Variants in MOGAT1 observed in about 807,000 individuals in gnomAD.
MOGAT1 encodes the protein monoacylglycerol O-acyltransferase 1, also known as 2-acylglycerol O-acyltransferase 1.
A neutral mutation model predicts 31.4 loss-of-function variants in MOGAT1; 32 were observed. The observed-to-expected ratio is 1.02, with a 90% confidence interval of 0.77 to 1.37. The LOEUF is 1.37. Ranked by LOEUF, MOGAT1 falls within the 40% of genes most tolerant of loss-of-function variation. The pLI is 0.00. For synonymous variants in MOGAT1, 145 were observed against 144.5 expected (o/e 1.00, Z -0.03); for missense variants, 426 against 402.0 (o/e 1.06, Z -0.51).
At chr2:222,693,728 T>G (rs951721756) in intron 3 of MOGAT1, among the ~76,000 whole-genome samples, 1 of 152,114 alleles carries the variant, frequency 6.6e-6, no homozygotes, top group Non-Finnish European at 1.5e-5. Flanking sequence ...GAGAAAGACC[T>G]GCCCCCACGA....
chr2:222,695,132 T>G lies in MOGAT1; in HGVS notation c.697T>G (p.Phe233Val), dbSNP rs373193033. 1.3e-4 allele frequency: 205 copies of G among 1,612,038 alleles called. No individual in the cohort carries two copies. Among genetic ancestry groups the G allele is most frequent in the Non-Finnish European group, 1.7e-4 (201 of 1,179,240 alleles). ...GGTTTCTTTTGGTGAAAATGAACTGTTTAAACAAACTGACAACCCTGAAGG... is the reference window on the plus strand; with the variant it reads ...GGTTTCTTTTGGTGAAAATGAACTGGTTAAACAAACTGACAACCCTGAAGG... ...PVVSFGENEL[F>V]KQTDNPEGSW... Residue 233 changes from phenylalanine (F) to valine (V), a missense_variant, in exon 5 of 6, where the codon TTT becomes GTT. Transcript: ENST00000446656.
chr2:222,704,196 G>A (rs535184583), intron 5 of MOGAT1, among the ~76,000 whole-genome samples: 1 of 152,206 alleles, frequency 6.6e-6, no homozygotes, highest in African/African-American at 2.4e-5. Context: ...TTCCCCCTTT[G>A]TTTTGTAAAA....
chr2:222,682,715 G>A (rs1225271488), intron 1 of MOGAT1, among the ~76,000 whole-genome samples: 1 of 152,178 alleles, frequency 6.6e-6, no homozygotes, highest in African/African-American at 2.4e-5. Flanking sequence ...TCAGATTACA[G>A]TGTATATGTA....
intron 1 of MOGAT1, among the ~76,000 whole-genome samples, chr2:222,686,006 G>A (rs1251195507): frequency 6.6e-6 from 1 of 152,086 alleles, no homozygotes; most frequent in Non-Finnish European, 1.5e-5. Context: ...TAGTAGCTTG[G>A]GGACATTATT....
chr2:222,681,313 AT>A (rs986532059), intron 1 of MOGAT1, among the ~76,000 whole-genome samples: 2 of 152,310 alleles, frequency 1.3e-5, no homozygotes, highest in African/African-American at 2.4e-5. Flanking sequence ...ACGGCTACAA[AT>A]TGAGGATTCA....
At position 222,695,105 on chromosome 2, in the gene MOGAT1, G is replaced by A. The variant is rs1414070443; in HGVS notation, c.670G>A (p.Val224Met). Residue 224 changes from valine to methionine, a missense_variant, in exon 5 of 6, where the codon GTG becomes ATG. Val to Met is a conservative substitution (Grantham distance 21, BLOSUM62 1). Coordinates refer to ENST00000446656, the MANE Select transcript of MOGAT1 (RefSeq NM_058165.3). ...ALTHGASLVPVVSFGENELFK... is the reference protein window; with the variant it reads ...ALTHGASLVPMVSFGENELFK... ...TTATTGCAGCGCCTCTCTGGTCCCA[G>A]TGGTTTCTTTTGGTGAAAATGAACT... 6.2e-7 allele frequency: 1 copy of A among 1,603,756 alleles called. No homozygotes were observed. Among genetic ancestry groups the A allele is most frequent in the East Asian group, 2.3e-5 (1 of 44,300 alleles).
chr2:222,685,670 G>A (rs966207007), intron 1 of MOGAT1, among the ~76,000 whole-genome samples: 3 of 142,644 alleles, frequency 2.1e-5, no homozygotes, highest in South Asian at 2.2e-4. Flanking sequence ...GTGCGATCTC[G>A]GCTCACTACA....
chr2:222,695,744 T>G (rs1172305061), intron 5 of MOGAT1, among the ~76,000 whole-genome samples: 1 of 152,186 alleles, frequency 6.6e-6, no homozygotes, highest in Non-Finnish European at 1.5e-5. Context: ...ATATATATTC[T>G]GCTATTCTGC....
At chr2:222,694,970 G>A (rs539596210) in intron 4 of MOGAT1, 119 bp from the exon 5 acceptor site, 14 of 649,380 alleles carry the variant, frequency 2.2e-5, no homozygotes, top group Non-Finnish European at 3.0e-5. Context: ...TAGCAATATA[G>A]GAAGGCTTGG....
chr2:222,691,898 G>T (rs1692768554), intron 3 of MOGAT1, among the ~76,000 whole-genome samples: 1 of 152,148 alleles, frequency 6.6e-6, no homozygotes, highest in African/African-American at 2.4e-5. Flanking sequence ...CCCATTTTGG[G>T]TGTATCTATA....
At chr2:222,672,615 T>C (rs572902204) in intron 1 of MOGAT1, among the ~76,000 whole-genome samples, 2 of 152,172 alleles carry the variant, frequency 1.3e-5, no homozygotes, top group East Asian at 1.9e-4. Context: ...ATAGGGGTGA[T>C]GTGGGAGGAG....
chr2:222,674,983 T>A (rs1010951170), intron 1 of MOGAT1, among the ~76,000 whole-genome samples: 18 of 152,188 alleles, frequency 1.2e-4, no homozygotes, highest in African/African-American at 4.3e-4. Flanking sequence ...AATACACTTT[T>A]ACTAGCAATT....
chr2:222,706,511 T>C (rs114504245), intron 5 of MOGAT1, among the ~76,000 whole-genome samples: 2,622 of 135,468 alleles, frequency 0.019, 81 homozygotes, highest in African/African-American at 0.069. Flanking sequence ...TGAGCATGCT[T>C]AAGCTCTCTG....
intron 5 of MOGAT1, among the ~76,000 whole-genome samples, chr2:222,708,090 CTTGT>C (rs1455156116): frequency 1.3e-5 from 2 of 151,870 alleles, no homozygotes; most frequent in Non-Finnish European, 2.9e-5. Flanking sequence ...TGTTTGTTTG[CTTGT>C]TTGTTTTGAG....
chr2:222,677,031 T>A (rs1217301441), intron 1 of MOGAT1, among the ~76,000 whole-genome samples: 2 of 152,192 alleles, frequency 1.3e-5, no homozygotes, highest in African/African-American at 4.8e-5. Flanking sequence ...TAACAGTCAA[T>A]ATCTAGTAGG....
At chr2:222,700,009 AT>A (rs1167510276) in intron 5 of MOGAT1, among the ~76,000 whole-genome samples, 2 of 152,252 alleles carry the variant, frequency 1.3e-5, no homozygotes, top group African/African-American at 4.8e-5. Flanking sequence ...TTGCAATGGT[AT>A]TGTTCAAGAT....
At chr2:222,683,658 G>A (rs759324045) in intron 1 of MOGAT1, among the ~76,000 whole-genome samples, 2 of 150,894 alleles carry the variant, frequency 1.3e-5, no homozygotes, top group Non-Finnish European at 3.0e-5. Context: ...AACTCGGGAG[G>A]TGGAGGTTCA....
chr2:222,673,514 C>T (rs1366948111), intron 1 of MOGAT1, among the ~76,000 whole-genome samples: 3 of 152,146 alleles, frequency 2.0e-5, no homozygotes, highest in Non-Finnish European at 2.9e-5. Context: ...ATCTTCACAA[C>T]ATCCCTGTGA....
intron 1 of MOGAT1, among the ~76,000 whole-genome samples, chr2:222,686,773 G>A (rs1301624855): frequency 6.6e-6 from 1 of 152,100 alleles, no homozygotes; most frequent in African/African-American, 2.4e-5. Context: ...TTTCCTGACT[G>A]GGTTCAATGA....
Sources: gnomAD v4.1 joint callset for allele counts (sites outside exome capture counted in the v4.1 genomes callset) on GRCh38, gnomAD v4.1.1 for gene constraint, MANE v1.5 for transcripts, NCBI Gene and HGNC (gene_info 2026-07-23, HGNC 2026-07-21) for gene names.